The following IMMP2L variants were observed in gnomAD, a reference collection of about 807,000 sequenced individuals.
IMMP2L encodes mitochondrial inner membrane protease subunit 2.
Under a neutral mutation model 19.3 loss-of-function variants are expected in IMMP2L, and 18 were observed. That is an observed-to-expected ratio of 0.93 (90% CI 0.64 to 1.38). The LOEUF is 1.38. IMMP2L is among the 40% of genes most tolerant of loss of function. IMMP2L has a pLI of 0.00. For synonymous variants in IMMP2L, 76 were observed against 73.0 expected (o/e 1.04, Z -0.21); for missense variants, 233 against 218.2 (o/e 1.07, Z -0.43).
chr7:111,447,111 G>C (rs1446122299), intron 3 of IMMP2L, among the ~76,000 whole-genome samples: 2 of 144,748 alleles, frequency 1.4e-5, no homozygotes, highest in East Asian at 2.0e-4. Flanking sequence ...GCGGAGAATG[G>C]AACCAAGTTG....
At chr7:111,367,185 C>T (rs1323022203) in intron 3 of IMMP2L, among the ~76,000 whole-genome samples, 1 of 150,548 alleles carries the variant, frequency 6.6e-6, no homozygotes, top group African/African-American at 2.4e-5. Flanking sequence ...TACATATATT[C>T]CTGTGTGGGT....
At chr7:111,431,085 C>T (rs1836580464) in intron 3 of IMMP2L, among the ~76,000 whole-genome samples, 1 of 151,836 alleles carries the variant, frequency 6.6e-6, no homozygotes, top group South Asian at 2.1e-4. Context: ...CCAGCCTAGG[C>T]AAAAGAGTGA....
chr7:111,396,685 A>G (rs1027136832), intron 3 of IMMP2L, among the ~76,000 whole-genome samples: 7 of 152,174 alleles, frequency 4.6e-5, no homozygotes, highest in African/African-American at 7.2e-5. Context: ...AAAAGAATAG[A>G]TAAATATAGT....
chr7:111,080,719 A>T (rs185118528), intron 3 of IMMP2L, among the ~76,000 whole-genome samples: 1 of 152,252 alleles, frequency 6.6e-6, no homozygotes, highest in East Asian at 1.9e-4. Context: ...TATTTTTCTC[A>T]TATCAAACAA....
chr7:110,922,465 T>C (rs1282205751), intron 4 of IMMP2L, among the ~76,000 whole-genome samples: 1 of 152,198 alleles, frequency 6.6e-6, no homozygotes, highest in Non-Finnish European at 1.5e-5. Flanking sequence ...ACTCCCCATC[T>C]ATTCTTGATA....
At chr7:111,035,546 G>A (rs1489047268) in intron 3 of IMMP2L, among the ~76,000 whole-genome samples, 2 of 152,032 alleles carry the variant, frequency 1.3e-5, no homozygotes, top group Non-Finnish European at 2.9e-5. Context: ...AAACACACAG[G>A]TGATTGTGCA....
chr7:110,735,846 CAAAAAAA>C (rs59078426), intron 5 of IMMP2L, among the ~76,000 whole-genome samples: 1 of 47,626 alleles, frequency 2.1e-5, no homozygotes, highest in Non-Finnish European at 3.7e-5. Flanking sequence ...CACTCTGCCT[CAAAAAAA>C]AAAAAAAAAA....
chr7:110,787,975 A>G (rs1371153686), intron 5 of IMMP2L, among the ~76,000 whole-genome samples: 2 of 151,878 alleles, frequency 1.3e-5, no homozygotes, highest in African/African-American at 4.8e-5. Flanking sequence ...AGCATACATC[A>G]TTTACACTGC....
intron 3 of IMMP2L, among the ~76,000 whole-genome samples, chr7:111,201,488 G>T (rs1047536396): frequency 6.6e-6 from 1 of 151,998 alleles, no homozygotes; most frequent in Admixed American, 6.6e-5. Flanking sequence ...GGCTGAGGGG[G>T]GCAGACTGCT....
intron 5 of IMMP2L, among the ~76,000 whole-genome samples, chr7:110,793,579 A>C (rs1012330218): frequency 7.9e-5 from 12 of 152,162 alleles, no homozygotes; most frequent in Non-Finnish European, 1.3e-4. Context: ...ACAATGCCAC[A>C]GTAATAAAAA....
intron 5 of IMMP2L, among the ~76,000 whole-genome samples, chr7:110,797,596 G>C (rs1185028746): frequency 6.6e-6 from 1 of 151,964 alleles, no homozygotes; most frequent in Non-Finnish European, 1.5e-5. Context: ...GCCACAGCAA[G>C]TTCGTGCTTG....
intron 3 of IMMP2L, among the ~76,000 whole-genome samples, chr7:111,303,725 A>T (rs1822518761): frequency 6.6e-6 from 1 of 152,114 alleles, no homozygotes; most frequent in South Asian, 2.1e-4. Context: ...GGCTTCACAC[A>T]TTTCTCTGTA....
At chr7:111,119,506 T>C (rs1225199599) in intron 3 of IMMP2L, among the ~76,000 whole-genome samples, 2 of 152,202 alleles carry the variant, frequency 1.3e-5, no homozygotes, top group African/African-American at 2.4e-5. Context: ...AGATTAACTT[T>C]TCTCTTAAAG....
intron 4 of IMMP2L, among the ~76,000 whole-genome samples, chr7:110,902,314 G>T: frequency 6.6e-6 from 1 of 151,234 alleles, no homozygotes; most frequent in Non-Finnish European, 1.5e-5. Context: ...AGTAAATTAG[G>T]TTTTGTGAAA....
chr7:110,993,044 A>G (rs1024905729), intron 3 of IMMP2L, among the ~76,000 whole-genome samples: 1 of 152,184 alleles, frequency 6.6e-6, no homozygotes, highest in East Asian at 1.9e-4. Flanking sequence ...TGAAAACAAA[A>G]TGTATATTGC....
At chr7:111,367,836 G>A (rs373268861) in intron 3 of IMMP2L, among the ~76,000 whole-genome samples, 1 of 151,660 alleles carries the variant, frequency 6.6e-6, no homozygotes, top group African/African-American at 2.4e-5. Context: ...TGAAAACAGA[G>A]GTAAAATGCC....
At chr7:111,003,665 T>C (rs2129561709) in intron 3 of IMMP2L, among the ~76,000 whole-genome samples, 1 of 152,052 alleles carries the variant, frequency 6.6e-6, no homozygotes, top group Non-Finnish European at 1.5e-5. Context: ...TTGGGTGTCA[T>C]CACACCCATC....
chr7:110,704,840 TG>T (rs765502098), intron 5 of IMMP2L, among the ~76,000 whole-genome samples: 21 of 152,222 alleles, frequency 1.4e-4, no homozygotes, highest in Non-Finnish European at 2.9e-4. Context: ...TTCTTCATCC[TG>T]TTTGTCTAAT....
Position 110,780,343 on chromosome 7 carries a change from G to A in IMMP2L, c.408+106250C>T, listed in dbSNP as rs538061500. Among the ~76,000 whole-genome samples, 15 of 150,650 alleles carry A rather than the reference G, an allele frequency of 1.0e-4. No homozygotes were observed. In the South Asian group the frequency reaches 1.9e-3, roughly 19 times the overall value. On this transcript the variant is annotated intron_variant, in intron 5 of 5. Transcript: ENST00000405709. ...TGTGTTAAAAAAAACAAACTGTTAC[G>A]GTTTACACTGGTGCTGAAAAGAAAG...
Sources: gnomAD v4.1 joint callset for allele counts (sites outside exome capture counted in the v4.1 genomes callset) on GRCh38, gnomAD v4.1.1 for gene constraint, MANE v1.5 for transcripts, NCBI Gene and HGNC (gene_info 2026-07-23, HGNC 2026-07-21) for gene names.